ANP32D: variants seen among roughly 807,000 people sequenced by gnomAD.
ANP32D encodes acidic nuclear phosphoprotein 32 family member D, also known as acidic leucine-rich nuclear phosphoprotein 32 family member D.
In ANP32D, 6 loss-of-function variants were observed where a neutral mutation model predicts 7.8. That is an observed-to-expected ratio of 0.77 (90% CI 0.42 to 1.52). ANP32D has a LOEUF of 1.52. Among genes scored for constraint, ANP32D ranks in the 40% most tolerant of loss-of-function variants. The pLI, the probability that ANP32D is intolerant of heterozygous loss-of-function variation, is 0.01. For missense variants in ANP32D, 163 were observed against 145.9 expected (o/e 1.12, Z -0.60); for synonymous variants, 69 against 59.7 (o/e 1.16, Z -0.72).
At position 48,473,217 on chromosome 12, in the gene ANP32D, G is replaced by T; in HGVS notation, c.*157G>T. ...GGAGGAGTATGATGAAGATGCTCAGGTAATGGAAGATGAGGAGGACGAGGA... is the reference window on the plus strand; with the variant it reads ...GGAGGAGTATGATGAAGATGCTCAGTTAATGGAAGATGAGGAGGACGAGGA... On this transcript the variant is annotated 3_prime_UTR_variant, in exon 1 of 1. Transcript: ENST00000266594. 8 of 1,237,798 alleles carry T rather than the reference G, an allele frequency of 6.5e-6. No individual in the cohort carries two copies. Among genetic ancestry groups the T allele is most frequent in the Non-Finnish European group, 9.4e-6 (8 of 846,562 alleles). 76.7% of individuals were successfully genotyped at this position (1,237,798 alleles called of 1,614,324 possible). A position where few individuals can be genotyped will look rare whatever the true frequency, so the allele number is the denominator to read the frequency against.
rs1436919147 is a variant in ANP32D, at chr12:48,473,292, A to G, written c.*232A>G. 2.7e-6 allele frequency: 3 copies of G among 1,106,548 alleles called. No individual in the cohort carries two copies. In the East Asian group the frequency reaches 7.6e-5, roughly 28 times the overall value. The allele number at this position is 1,106,548 out of a possible 1,614,324, so 68.5% of individuals were successfully genotyped here. On this transcript the variant is annotated 3_prime_UTR_variant, in exon 1 of 1. Coordinates refer to ENST00000266594, the MANE Select transcript of ANP32D (RefSeq NM_012404.3). ...GGACGTGAGTGGAGACGAGGAGGAG[A>G]AGGATGAAGGTTATAACAATGGAGA... is the stretch of plus-strand genomic sequence containing the variant.
rs566263674 is a variant in ANP32D at position 48,473,114 on chromosome 12, G to A, written c.*54G>A. On this transcript the variant is annotated 3_prime_UTR_variant, in exon 1 of 1. Coordinates refer to ENST00000266594, the MANE Select transcript of ANP32D (RefSeq NM_012404.3). The stretch of plus-strand genomic sequence containing the variant: ...TCACATATCTCAACGGCTGTGACCC[G>A]GATGACAAGGAGGCCCCTAACTCGG... 2.4e-5 allele frequency: 39 copies of A among 1,612,372 alleles called. No homozygotes were observed. Among genetic ancestry groups the A allele is most frequent in the South Asian group, 3.3e-5 (3 of 90,892 alleles).
rs752603319 is a variant in ANP32D, at chr12:48,472,942, T to A, written c.278T>A (p.Leu93Gln). 6.2e-7 allele frequency: 1 copy of A among 1,614,078 alleles called. No individual in the cohort carries two copies. The highest frequency in any genetic ancestry group is 8.5e-7 in the Non-Finnish European group (1 of 1,180,048). The change falls in exon 1 of 1, where the codon CTA becomes CAA. Residue 93 changes from leucine to glutamine, a missense_variant. Transcript: ENST00000266594. ...GAAAAGTGTCCAAACCTCATACATC[T>A]AAATTTAAGTGGCAACAAAATTAAA... is the stretch of plus-strand genomic sequence containing the variant. ...LAEKCPNLIH[L>Q]NLSGNKIKDL...
In ANP32D at chr12:48,473,584, G is replaced by C. The variant is rs1157064457; in HGVS notation, c.*524G>C. 1 of 295,566 alleles carries C rather than the reference G, an allele frequency of 3.4e-6. No homozygotes were observed. Among genetic ancestry groups the C allele is most frequent in the East Asian group, 8.2e-5 (1 of 12,176 alleles). 18.3% of individuals were successfully genotyped at this position (295,566 alleles called of 1,614,324 possible). A position where few individuals can be genotyped will look rare whatever the true frequency, so the allele number is the denominator to read the frequency against. On this transcript the variant is annotated 3_prime_UTR_variant, in exon 1 of 1. Transcript: ENST00000266594. Reference sequence around the variant, plus strand: ...GGGGTTGTGAGGGAAGGGAGGGGAGGAGGGGGTGGAATAAAATACTATTTT... The same window carrying C: ...GGGGTTGTGAGGGAAGGGAGGGGAGCAGGGGGTGGAATAAAATACTATTTT...
Position 48,473,009 on chromosome 12 carries a change from C to G in ANP32D, c.345C>G (p.Leu115=), listed in dbSNP as rs7966826. Residue 115 remains leucine, a synonymous_variant, in exon 1 of 1, where the codon CTC becomes CTG. Transcript: ENST00000266594. ...AGCCCCTGAAAAAGTTAGAAAACCT[C>G]GAGAGCTTAGACCTTTTCACTTGCG... ...TIEPLKKLEN[L]ESLDLFTCEV... 13 of 1,613,842 alleles carry G rather than the reference C, an allele frequency of 8.1e-6. No individual in the cohort carries two copies. The highest frequency in any genetic ancestry group is 1.1e-5 in the Non-Finnish European group (13 of 1,179,988).
Position 48,472,577 on chromosome 12 carries a change from G to T in ANP32D, c.-88G>T, listed in dbSNP as rs2137074949. 1 of 1,516,232 alleles carries T rather than the reference G, an allele frequency of 6.6e-7. No individual in the cohort carries two copies. The highest frequency in any genetic ancestry group is 9.0e-7 in the Non-Finnish European group (1 of 1,113,062). 93.9% of individuals were successfully genotyped at this position (1,516,232 alleles called of 1,614,324 possible). ...ACTTTCGGAGAACCCAGCAGAGCTG[G>T]TTGAGCTTTCAAATGTGCGGTTGTG... is the stretch of plus-strand genomic sequence containing the variant. On this transcript the variant is annotated 5_prime_UTR_variant, in exon 1 of 1. Transcript: ENST00000266594.
rs745701997 is a variant in ANP32D, at chr12:48,472,643, C to T, written c.-22C>T. ...GGTTGAATTCCGCTGGCTCAGGAGC[C>T]TCTGCAGAGAAAGCGTGAGAGATGG... On this transcript the variant is annotated 5_prime_UTR_variant, in exon 1 of 1. Transcript: ENST00000266594. 1.2e-6 allele frequency: 2 copies of T among 1,613,676 alleles called. No homozygotes were observed. The highest frequency in any genetic ancestry group is 2.2e-5 in the South Asian group (2 of 91,016).
chr12:48,473,193 G>A lies in ANP32D; in HGVS notation c.*133G>A. 1.5e-6 allele frequency: 2 copies of A among 1,374,198 alleles called. No homozygotes were observed. Among genetic ancestry groups the A allele is most frequent in the Non-Finnish European group, 1.0e-6 (1 of 965,848 alleles). The allele number at this position is 1,374,198 out of a possible 1,614,324, so 85.1% of individuals were successfully genotyped here. A position where few individuals can be genotyped will look rare whatever the true frequency, so the allele number is the denominator to read the frequency against. On this transcript the variant is annotated 3_prime_UTR_variant, in exon 1 of 1. Coordinates refer to ENST00000266594, the MANE Select transcript of ANP32D (RefSeq NM_012404.3). Reference sequence around the variant, plus strand: ...TGACAAGGAGGAGGATGAGGATGAGGAGGAGTATGATGAAGATGCTCAGGT... The same window carrying A: ...TGACAAGGAGGAGGATGAGGATGAGAAGGAGTATGATGAAGATGCTCAGGT...
Position 48,472,956 on chromosome 12 carries a change from A to G in ANP32D, c.292A>G (p.Asn98Asp). 6.2e-7 allele frequency: 1 copy of G among 1,614,220 alleles called. No homozygotes were observed. The highest frequency in any genetic ancestry group is 2.2e-5 in the East Asian group (1 of 44,888). Residue 98 changes from asparagine to aspartate, a missense_variant, in exon 1 of 1, where the codon AAC becomes GAC. Asn to Asp is a conservative substitution (Grantham distance 23). Coordinates refer to ENST00000266594, the MANE Select transcript of ANP32D (RefSeq NM_012404.3). ...PNLIHLNLSGNKIKDLSTIEP... is the reference protein window; with the variant it reads ...PNLIHLNLSGDKIKDLSTIEP... ...CCTCATACATCTAAATTTAAGTGGC[A>G]ACAAAATTAAAGACCTCAGCACAAT...
rs752199492 is a variant in ANP32D at position 48,472,633 on chromosome 12, G to T, written c.-32G>T. ...GGGGTTTATTGGTTGAATTCCGCTG[G>T]CTCAGGAGCCTCTGCAGAGAAAGCG... On this transcript the variant is annotated 5_prime_UTR_variant, in exon 1 of 1. Transcript: ENST00000266594. 9.9e-6 allele frequency: 16 copies of T among 1,612,708 alleles called. No homozygotes were observed. Among genetic ancestry groups the T allele is most frequent in the African/African-American group, 2.7e-5 (2 of 74,840 alleles).
chr12:48,472,776 A>G lies in ANP32D; in HGVS notation c.112A>G (p.Thr38Ala), dbSNP rs367801459. The G allele has an allele frequency of 2.2e-4, 355 of 1,614,118 alleles. No homozygotes were observed. The highest frequency in any genetic ancestry group is 2.9e-4 in the Non-Finnish European group (345 of 1,180,050). ...QSNEGKLEGL[T>A]DEFEELELLN... is the part of the protein sequence containing the mutation. Reference sequence around the variant, plus strand: ...AAATGAAGGCAAATTGGAAGGCCTCACAGATGAATTTGAAGAACTGGAATT... The same window carrying G: ...AAATGAAGGCAAATTGGAAGGCCTCGCAGATGAATTTGAAGAACTGGAATT... Residue 38 changes from threonine (T) to alanine (A), a missense_variant, in exon 1 of 1, where the codon ACA (threonine) becomes GCA (alanine). Coordinates refer to ENST00000266594, the MANE Select transcript of ANP32D (RefSeq NM_012404.3).
chr12:48,473,503 CTTA>C lies in ANP32D; in HGVS notation c.*446_*448del. ...CCCACTCCAATCCTGCCCCCTGAAA[CTTA>C]TTTTTTTCTGATTGTAACGTTGCTG... is the stretch of plus-strand genomic sequence containing the variant. On this transcript the variant is annotated 3_prime_UTR_variant, in exon 1 of 1. Transcript: ENST00000266594. 2.5e-6 allele frequency: 1 copy of C among 397,090 alleles called. No homozygotes were observed. Among genetic ancestry groups the C allele is most frequent in the Non-Finnish European group, 4.8e-6 (1 of 208,748 alleles). The allele number at this position is 397,090 out of a possible 1,614,324, so 24.6% of individuals were successfully genotyped here. A position where few individuals can be genotyped will look rare whatever the true frequency, so the allele number is the denominator to read the frequency against.
rs537025964 is a variant in ANP32D at position 48,473,189 on chromosome 12, T to G, written c.*129T>G. 138 of 1,384,834 alleles carry G rather than the reference T, an allele frequency of 1.0e-4. 1 individual carries two copies. Among genetic ancestry groups the G allele is most frequent in the Middle Eastern group, 1.8e-4 (1 of 5,614 alleles). 85.8% of individuals were successfully genotyped at this position (1,384,834 alleles called of 1,614,324 possible). A position where few individuals can be genotyped will look rare whatever the true frequency, so the allele number is the denominator to read the frequency against. On this transcript the variant is annotated 3_prime_UTR_variant, in exon 1 of 1. Coordinates refer to ENST00000266594, the MANE Select transcript of ANP32D (RefSeq NM_012404.3). Reference sequence around the variant, plus strand: ...TGGATGACAAGGAGGAGGATGAGGATGAGGAGGAGTATGATGAAGATGCTC... The same window carrying G: ...TGGATGACAAGGAGGAGGATGAGGAGGAGGAGGAGTATGATGAAGATGCTC...
rs145125600 is a variant in ANP32D at position 48,472,886 on chromosome 12, C to G, written c.222C>G (p.Asn74Lys). 2,630 of 1,614,174 alleles carry G rather than the reference C, an allele frequency of 1.6e-3. 3 individuals are homozygous for G. The highest frequency in any genetic ancestry group is 2.0e-3 in the Non-Finnish European group (2,353 of 1,180,040). ...NKLKKLELSS[N>K]RASVGLEVLA... Reference sequence around the variant, plus strand: ...TTAAGAAGCTTGAACTAAGCAGTAACAGAGCCTCAGTGGGCCTAGAAGTAT... The same window carrying G: ...TTAAGAAGCTTGAACTAAGCAGTAAGAGAGCCTCAGTGGGCCTAGAAGTAT... Residue 74 changes from asparagine to lysine, a missense_variant, in exon 1 of 1, where the codon AAC (asparagine) becomes AAG (lysine). Coordinates refer to ENST00000266594, the MANE Select transcript of ANP32D (RefSeq NM_012404.3).
chr12:48,472,881 A>C lies in ANP32D; in HGVS notation c.217A>C (p.Ser73Arg). The C allele has an allele frequency of 6.2e-7, 1 of 1,614,192 alleles. No individual in the cohort carries two copies. The highest frequency in any genetic ancestry group is 1.1e-5 in the South Asian group (1 of 91,074). ...CAAACTTAAGAAGCTTGAACTAAGC[A>C]GTAACAGAGCCTCAGTGGGCCTAGA... Reference protein sequence around the residue: ...LNKLKKLELSSNRASVGLEVL... With the variant: ...LNKLKKLELSRNRASVGLEVL... Residue 73 changes from serine (S) to arginine (R), a missense_variant, in exon 1 of 1, where the codon AGT (serine) becomes CGT (arginine). Physicochemically the swap from Ser to Arg is moderately radical, Grantham distance 110. Transcript: ENST00000266594.
rs1954101462 is a variant in ANP32D at position 48,473,537 on chromosome 12, G to C, written c.*477G>C. The C allele has an allele frequency of 2.8e-6, 1 of 357,372 alleles. No individual in the cohort carries two copies. Among genetic ancestry groups the C allele is most frequent in the South Asian group, 2.5e-5 (1 of 39,716 alleles). The allele number at this position is 357,372 out of a possible 1,614,324, so 22.1% of individuals were successfully genotyped here. On this transcript the variant is annotated 3_prime_UTR_variant, in exon 1 of 1. Coordinates refer to ENST00000266594, the MANE Select transcript of ANP32D (RefSeq NM_012404.3). ...TTCTGATTGTAACGTTGCTGTGGGA[G>C]CAAGAGAGGAAAAGTGTACTGGGGG...
Position 48,473,158 on chromosome 12 carries a change from A to G in ANP32D, c.*98A>G, listed in dbSNP as rs987762022. 1.3e-6 allele frequency: 2 copies of G among 1,554,020 alleles called. No individual in the cohort carries two copies. Among genetic ancestry groups the G allele is most frequent in the East Asian group, 2.2e-5 (1 of 44,446 alleles). ...AACTCGGATGGTGAGGGCTTTGTGG[A>G]GTGCCTGGATGACAAGGAGGAGGAT... On this transcript the variant is annotated 3_prime_UTR_variant, in exon 1 of 1. Coordinates refer to ENST00000266594, the MANE Select transcript of ANP32D (RefSeq NM_012404.3).
In ANP32D at chr12:48,473,408, T is replaced by A; in HGVS notation, c.*348T>A. The A allele has an allele frequency of 1.3e-6, 1 of 760,706 alleles. No individual in the cohort carries two copies. The highest frequency in any genetic ancestry group is 2.2e-5 in the Admixed American group (1 of 46,394). 47.1% of individuals were successfully genotyped at this position (760,706 alleles called of 1,614,324 possible). On this transcript the variant is annotated 3_prime_UTR_variant, in exon 1 of 1. Transcript: ENST00000266594. Reference sequence around the variant, plus strand: ...AAACTGAAGATGAGGGAGAAGACGATGCCTAAGTGGAATAATCTATTTTGA... The same window carrying A: ...AAACTGAAGATGAGGGAGAAGACGAAGCCTAAGTGGAATAATCTATTTTGA...
rs1954098285 is a variant in ANP32D, at chr12:48,473,318, G to C, written c.*258G>C. ...AGGATGAAGGTTATAACAATGGAGA[G>C]GTAGATGATGAGGAAGATGAAGAAG... On this transcript the variant is annotated 3_prime_UTR_variant, in exon 1 of 1. Coordinates refer to ENST00000266594, the MANE Select transcript of ANP32D (RefSeq NM_012404.3). The C allele has an allele frequency of 8.5e-7, 1 of 1,175,474 alleles. No homozygotes were observed. The highest frequency in any genetic ancestry group is 1.5e-5 in the African/African-American group (1 of 65,580). The allele number at this position is 1,175,474 out of a possible 1,614,324, so 72.8% of individuals were successfully genotyped here.
Sources: allele counts gnomAD v4.1 joint callset, GRCh38; gene constraint gnomAD v4.1.1; transcripts MANE v1.5; gene names NCBI Gene and HGNC (gene_info 2026-07-23, HGNC 2026-07-21).